The following RBMS1 variants were observed in gnomAD, a reference collection of about 807,000 sequenced individuals.
The protein encoded by RBMS1 is RNA binding motif single stranded interacting protein 1.
Under a neutral mutation model 62.3 loss-of-function variants are expected in RBMS1, and 17 were observed. The observed-to-expected ratio is 0.27, with a 90% confidence interval of 0.19 to 0.41. The LOEUF (loss-of-function observed/expected upper bound fraction) is 0.41, where lower values mean the gene tolerates loss of function less well. Among genes scored for constraint, RBMS1 ranks in the 10% least tolerant of loss-of-function variants. The probability of loss-of-function intolerance (pLI) is 1.00; values close to 1 mark genes in which losing one functional copy is unlikely to be tolerated. For synonymous variants in RBMS1, 172 were observed against 170.0 expected (o/e 1.01, Z -0.09); for missense variants, 334 against 504.5 (o/e 0.66, Z 3.24).
intron 1 of RBMS1, among the ~76,000 whole-genome samples, chr2:160,443,004 G>A (rs879531796): frequency 2.6e-4 from 40 of 152,056 alleles, no homozygotes; most frequent in Admixed American, 1.4e-3. Flanking sequence ...TCAGGAGTTC[G>A]AGACTAGCCT....
At chr2:160,435,657 G>A (rs533491805) in intron 1 of RBMS1, among the ~76,000 whole-genome samples, 2 of 152,250 alleles carry the variant, frequency 1.3e-5, no homozygotes, top group South Asian at 4.1e-4. Flanking sequence ...TTATTTTCAA[G>A]ATCATCTCTG....
chr2:160,272,578 T>C lies in RBMS1; in HGVS notation c.*2194A>G, dbSNP rs1239093812. On this transcript the variant is annotated 3_prime_UTR_variant, in exon 14 of 14. Transcript: ENST00000348849. ...TTCTAGCAGCAGATTTCCCCTCCCC[T>C]CTAACCGAGCTATCAAATTTCTGTC... 6.6e-6 allele frequency: 1 copy of C among 152,000 alleles called. No homozygotes were observed. The highest frequency in any genetic ancestry group is 1.5e-5 in the Non-Finnish European group (1 of 68,006). 9.4% of individuals were successfully genotyped at this position (152,000 alleles called of 1,614,324 possible).
chr2:160,338,870 CA>C (rs1216454981), intron 2 of RBMS1, among the ~76,000 whole-genome samples: 2 of 152,198 alleles, frequency 1.3e-5, no homozygotes, highest in Non-Finnish European at 2.9e-5. Context: ...GAGAATGAAG[CA>C]AACACTATTG....
intron 2 of RBMS1, among the ~76,000 whole-genome samples, chr2:160,365,744 C>A (rs1693360516): frequency 6.6e-6 from 1 of 152,216 alleles, no homozygotes; most frequent in Non-Finnish European, 1.5e-5. Flanking sequence ...TTCTTACAGT[C>A]ATATTTTTAG....
At chr2:160,488,743 G>T (rs1685700132) in intron 1 of RBMS1, among the ~76,000 whole-genome samples, 1 of 152,080 alleles carries the variant, frequency 6.6e-6, no homozygotes, top group Non-Finnish European at 1.5e-5. Flanking sequence ...TTTAAAATAA[G>T]CTATTTTAGA....
At chr2:160,371,994 C>G (rs1393003552) in intron 1 of RBMS1, among the ~76,000 whole-genome samples, 2 of 152,158 alleles carry the variant, frequency 1.3e-5, no homozygotes, top group African/African-American at 4.8e-5. Flanking sequence ...AGGTCATTTA[C>G]AAAATTAACC....
chr2:160,292,710 C>T (rs776931551), intron 6 of RBMS1, among the ~76,000 whole-genome samples: 6 of 152,182 alleles, frequency 3.9e-5, no homozygotes, highest in Non-Finnish European at 8.8e-5. Context: ...AGAACCTGAT[C>T]GTGAAAGGGT....
chr2:160,357,639 G>A (rs1692876135), intron 2 of RBMS1, among the ~76,000 whole-genome samples: 4 of 152,084 alleles, frequency 2.6e-5, no homozygotes, highest in African/African-American at 9.7e-5. Context: ...TTGAATTGTG[G>A]ATACTCTCAC....
At chr2:160,332,173 G>A (rs1363355750) in intron 2 of RBMS1, among the ~76,000 whole-genome samples, 1 of 152,072 alleles carries the variant, frequency 6.6e-6, no homozygotes, top group East Asian at 1.9e-4. Context: ...GGTGGGTTGG[G>A]GATAGAGGCT....
intron 2 of RBMS1, among the ~76,000 whole-genome samples, chr2:160,321,246 G>A (rs757647426): frequency 6.6e-6 from 1 of 152,088 alleles, no homozygotes; most frequent in Non-Finnish European, 1.5e-5. Flanking sequence ...GCATGAGTCC[G>A]CTCTGCCAGT....
chr2:160,281,764 A>G (rs1688116630), intron 9 of RBMS1: 1 of 179,540 alleles, frequency 5.6e-6, no homozygotes, highest in Non-Finnish European at 1.2e-5. Flanking sequence ...ATGACGATTA[A>G]TTCCAGCACA....
chr2:160,476,796 C>T (rs1156590978), intron 1 of RBMS1, among the ~76,000 whole-genome samples: 1 of 151,906 alleles, frequency 6.6e-6, no homozygotes, highest in African/African-American at 2.4e-5. Flanking sequence ...CCTCGTGATC[C>T]GCCCGCCTCG....
chr2:160,489,178 C>G (rs1685724976), intron 1 of RBMS1, among the ~76,000 whole-genome samples: 1 of 152,188 alleles, frequency 6.6e-6, no homozygotes. Flanking sequence ...GAGAAGGGTG[C>G]TACACTGTTG....
At chr2:160,378,796 C>CT (rs1694133451) in intron 1 of RBMS1, among the ~76,000 whole-genome samples, 1 of 151,784 alleles carries the variant, frequency 6.6e-6, no homozygotes, top group Non-Finnish European at 1.5e-5. Flanking sequence ...ACTTCATACT[C>CT]TGTTTCTTTA....
At chr2:160,414,102 T>C (rs1230463449) in intron 1 of RBMS1, among the ~76,000 whole-genome samples, 1 of 152,228 alleles carries the variant, frequency 6.6e-6, no homozygotes, top group Non-Finnish European at 1.5e-5. Context: ...TTATCCCTTC[T>C]AGAAGCCCCC....
At chr2:160,352,722 T>A (rs937708587) in intron 2 of RBMS1, among the ~76,000 whole-genome samples, 2 of 152,108 alleles carry the variant, frequency 1.3e-5, no homozygotes, top group Non-Finnish European at 2.9e-5. Context: ...TCCATCATGC[T>A]CAAACAAATG....
chr2:160,376,877 C>T (rs942855035), intron 1 of RBMS1, among the ~76,000 whole-genome samples: 1 of 152,012 alleles, frequency 6.6e-6, no homozygotes, highest in East Asian at 1.9e-4. Flanking sequence ...CCTGTGTTGC[C>T]CAGGCTGCTC....
intron 1 of RBMS1, among the ~76,000 whole-genome samples, chr2:160,443,532 G>A (rs1376231221): frequency 1.3e-5 from 2 of 151,944 alleles, no homozygotes. Context: ...CCGAGATCTG[G>A]TCATTTAAAA....
At chr2:160,325,368 C>T (rs1163296080) in intron 2 of RBMS1, among the ~76,000 whole-genome samples, 2 of 151,910 alleles carry the variant, frequency 1.3e-5, no homozygotes, top group Non-Finnish European at 2.9e-5. Flanking sequence ...GTGAGGGGGT[C>T]GGCAGGACTG....
Sources: gnomAD v4.1 joint callset for allele counts (sites outside exome capture counted in the v4.1 genomes callset) on GRCh38, gnomAD v4.1.1 for gene constraint, MANE v1.5 for transcripts, NCBI Gene and HGNC (gene_info 2026-07-23, HGNC 2026-07-21) for gene names.